LINGO1: variants seen among roughly 807,000 people sequenced by gnomAD.
The protein encoded by LINGO1 is leucine-rich repeat and immunoglobulin-like domain-containing nogo receptor-interacting protein 1.
LINGO1 carries 11 observed loss-of-function variants against 37.3 expected under a neutral mutation model. The observed-to-expected ratio is 0.29, with a 90% confidence interval of 0.19 to 0.49. The LOEUF (loss-of-function observed/expected upper bound fraction) is 0.49, where lower values mean the gene tolerates loss of function less well. Ranked by LOEUF, LINGO1 falls within the 20% of genes least tolerant of loss-of-function variation. LINGO1 has a pLI of 0.99. For missense variants in LINGO1, 585 were observed against 878.2 expected (o/e 0.67, Z 4.22); for synonymous variants, 387 against 403.0 (o/e 0.96, Z 0.48).
At chr15:77,777,477 A>ACGTGCG (rs1567578762) in intron 1 of LINGO1, among the ~76,000 whole-genome samples, 16 of 139,476 alleles carry the variant, frequency 1.1e-4, no homozygotes, top group Non-Finnish European at 1.8e-4. Context: ...ACACACACAC[A>ACGTGCG]CACACACACA....
At chr15:77,746,565 C>T (rs2076316851) in intron 1 of LINGO1, among the ~76,000 whole-genome samples, 1 of 152,168 alleles carries the variant, frequency 6.6e-6, no homozygotes, top group Non-Finnish European at 1.5e-5. Context: ...CCCCATGCCA[C>T]AGAAGTTGAT....
At chr15:77,772,677 A>G (rs1333415188) in intron 1 of LINGO1, among the ~76,000 whole-genome samples, 3 of 146,222 alleles carry the variant, frequency 2.1e-5, no homozygotes, top group Admixed American at 1.5e-4. Context: ...TCAGCTGCAG[A>G]AAAAGGTCCA....
At chr15:77,728,608 C>T (rs2076125923) in intron 2 of LINGO1, among the ~76,000 whole-genome samples, 1 of 152,242 alleles carries the variant, frequency 6.6e-6, no homozygotes, top group African/African-American at 2.4e-5. Flanking sequence ...AGCTGTGTGA[C>T]CTCAGGCAGG....
intron 1 of LINGO1, among the ~76,000 whole-genome samples, chr15:77,777,477 A>G (rs62007826): frequency 0.51 from 71,275 of 139,454 alleles, 17,497 homozygotes; most frequent in South Asian, 0.58. Context: ...ACACACACAC[A>G]CACACACACA....
At chr15:77,745,775 C>T (rs2068803667) in intron 1 of LINGO1, among the ~76,000 whole-genome samples, 1 of 152,166 alleles carries the variant, frequency 6.6e-6, no homozygotes, top group African/African-American at 2.4e-5. Flanking sequence ...GATGAAGTGG[C>T]TTATCCAGGG....
intron 3 of LINGO1, among the ~76,000 whole-genome samples, chr15:77,639,512 G>A (rs11638318): frequency 0.12 from 18,647 of 151,704 alleles, 1,912 homozygotes; most frequent in African/African-American, 0.29. Context: ...GAGCACACGA[G>A]GGCAAGCAGA....
intron 1 of LINGO1, among the ~76,000 whole-genome samples, chr15:77,780,599 AT>A (rs543071173): frequency 4.7e-4 from 71 of 152,248 alleles, no homozygotes; most frequent in Admixed American, 1.0e-3. Context: ...CAGGGGTGGC[AT>A]TATGGACTAA....
chr15:77,755,246 C>G (rs1817151478), intron 1 of LINGO1, among the ~76,000 whole-genome samples: 1 of 152,200 alleles, frequency 6.6e-6, no homozygotes, highest in Non-Finnish European at 1.5e-5. Flanking sequence ...GAGGTGACCC[C>G]AGGGATCTGA....
At chr15:77,767,161 A>T (rs1157047052) in intron 1 of LINGO1, among the ~76,000 whole-genome samples, 1 of 152,360 alleles carries the variant, frequency 6.6e-6, no homozygotes, top group African/African-American at 2.4e-5. Context: ...ATAGTGAATT[A>T]TCAGAACACA....
intron 3 of LINGO1, chr15:77,642,010 C>T (rs2074518383): frequency 2.2e-6 from 1 of 456,630 alleles, no homozygotes; most frequent in South Asian, 1.5e-5. Context: ...CCTGGGGATA[C>T]TCATGCCTAT....
intron 3 of LINGO1, among the ~76,000 whole-genome samples, chr15:77,655,793 G>A (rs1020102696): frequency 1.3e-5 from 2 of 152,150 alleles, no homozygotes; most frequent in East Asian, 3.9e-4. Context: ...CTGACGAGAC[G>A]GTGGGGCTGA....
rs551662946 is a variant in LINGO1 at position 77,631,799 on chromosome 15, T to C, written c.6+511A>G. On this transcript the variant is annotated intron_variant, in intron 1 of 1. Coordinates refer to ENST00000355300, the MANE Select transcript of LINGO1 (RefSeq NM_032808.7). ...CATCTCCTTTTCACTGGGCAGGAGC[T>C]GGAAAGGGGCGATGCTTGTGTGTGG... Among the ~76,000 whole-genome samples the C allele has an allele frequency of 1.3e-4, 20 of 152,272 alleles. No homozygotes were observed. The East Asian group carries it at 2.9e-3, about 22-fold the overall frequency.
chr15:77,718,285 C>T (rs1228553022), intron 2 of LINGO1, among the ~76,000 whole-genome samples: 1 of 150,934 alleles, frequency 6.6e-6, no homozygotes. Flanking sequence ...CCCAGACACG[C>T]GGGTTTAACA....
intron 3 of LINGO1, among the ~76,000 whole-genome samples, chr15:77,670,270 T>C (rs539954955): frequency 1.3e-5 from 2 of 152,324 alleles, no homozygotes; most frequent in African/African-American, 4.8e-5. Context: ...TGGAATTAGA[T>C]AGTGGTAAGA....
At chr15:77,709,278 G>A (rs936486039) in intron 2 of LINGO1, among the ~76,000 whole-genome samples, 2 of 152,236 alleles carry the variant, frequency 1.3e-5, no homozygotes, top group African/African-American at 4.8e-5. Context: ...CTCCAGAGGT[G>A]TGCGAGCAAA....
At chr15:77,746,618 G>A (rs539375224) in intron 1 of LINGO1, among the ~76,000 whole-genome samples, 2 of 152,202 alleles carry the variant, frequency 1.3e-5, no homozygotes, top group East Asian at 1.9e-4. Flanking sequence ...TGGGGGCTGG[G>A]GGCGAGGAGC....
intron 1 of LINGO1, among the ~76,000 whole-genome samples, chr15:77,758,882 G>A (rs1380335199): frequency 1.3e-5 from 2 of 151,982 alleles, no homozygotes; most frequent in Admixed American, 1.3e-4. Flanking sequence ...GAGGAAAATA[G>A]TTGGGTGAGG....
At chr15:77,799,156 C>T (rs1357597737) in intron 1 of LINGO1, among the ~76,000 whole-genome samples, 1 of 152,184 alleles carries the variant, frequency 6.6e-6, no homozygotes, top group Non-Finnish European at 1.5e-5. Context: ...CTGATCAATA[C>T]CCCTAGCTAT....
At chr15:77,706,427 AG>A (rs1267256737) in intron 2 of LINGO1, among the ~76,000 whole-genome samples, 1 of 152,116 alleles carries the variant, frequency 6.6e-6, no homozygotes, top group African/African-American at 2.4e-5. Context: ...AAAACCCTCC[AG>A]CAACTTCCTC....
Sources: gnomAD v4.1 joint callset for allele counts (sites outside exome capture counted in the v4.1 genomes callset) on GRCh38, gnomAD v4.1.1 for gene constraint, MANE v1.5 for transcripts, NCBI Gene and HGNC (gene_info 2026-07-23, HGNC 2026-07-21) for gene names.